Variants in PTPN21 observed in about 807,000 individuals in gnomAD.
PTPN21 encodes the protein tyrosine-protein phosphatase non-receptor type 21.
A neutral mutation model predicts 131.8 loss-of-function variants in PTPN21; 77 were observed. The observed-to-expected ratio is 0.58, with a 90% CI of 0.49 to 0.71. The LOEUF (loss-of-function observed/expected upper bound fraction) is 0.71, where lower values mean the gene tolerates loss of function less well. PTPN21 is among the 30% of genes least tolerant of loss of function. The pLI is 0.00. For synonymous variants in PTPN21, 715 were observed against 621.3 expected (o/e 1.15, Z -2.24); for missense variants, 1,552 against 1,527.1 (o/e 1.02, Z -0.27).
intron 12 of PTPN21, among the ~76,000 whole-genome samples, chr14:88,483,778 T>A (rs1273996282): frequency 1.3e-5 from 2 of 152,200 alleles, no homozygotes; most frequent in Non-Finnish European, 2.9e-5. Context: ...CCCAATGTGA[T>A]GAGTCTCTCT....
At chr14:88,472,915 G>C (rs117560925) in intron 14 of PTPN21, among the ~76,000 whole-genome samples, 6 of 152,266 alleles carry the variant, frequency 3.9e-5, no homozygotes, top group Non-Finnish European at 8.8e-5. Context: ...ACAACAACAA[G>C]AGTTAAAAGA....
chr14:88,526,591 A>T, intron 2 of PTPN21, among the ~76,000 whole-genome samples: 1 of 144,812 alleles, frequency 6.9e-6, no homozygotes, highest in Non-Finnish European at 1.5e-5. Context: ...GTTGTACATT[A>T]TGTGAATTTC....
Position 88,469,035 on chromosome 14 carries a change from T to G in PTPN21, c.3277A>C (p.Ser1093Arg). The G allele has an allele frequency of 6.2e-7, 1 of 1,614,190 alleles. No individual in the cohort carries two copies. Among genetic ancestry groups the G allele is most frequent in the Non-Finnish European group, 8.5e-7 (1 of 1,180,028 alleles). The change falls in exon 18 of 19, where the codon AGC (serine) becomes CGC (arginine). Residue 1093 changes from serine (S) to arginine (R), a missense_variant. Ser to Arg is a moderately radical substitution (Grantham distance 110). Transcript: ENST00000556564. This position sits in a 1 kb window ranked among gnomAD's most constrained non-coding sequence, Gnocchi z 4.3. ...EIQSVRRHTN[S>R]TSDPQSPNPP... ...TTGGGGCTTTGGGGATCACTTGTGC[T>G]ATTTGTATGGCGTCGAACAGACTGG...
At chr14:88,493,161 G>C in intron 10 of PTPN21, 1 of 441,584 alleles carries the variant, frequency 2.3e-6, no homozygotes, top group South Asian at 1.6e-5. Flanking sequence ...CAGGGTTACT[G>C]TAAGGATTAA....
chr14:88,535,249 G>C (rs766785516), intron 2 of PTPN21, among the ~76,000 whole-genome samples: 8 of 152,164 alleles, frequency 5.3e-5, no homozygotes, highest in Non-Finnish European at 1.5e-5. Flanking sequence ...GCTATACCAC[G>C]TAGGTTTAAG....
At chr14:88,542,792 G>A (rs1482395365) in intron 2 of PTPN21, among the ~76,000 whole-genome samples, 2 of 152,036 alleles carry the variant, frequency 1.3e-5, no homozygotes, top group Non-Finnish European at 2.9e-5. Flanking sequence ...GTTAGACTTG[G>A]GAAAGCTTTC....
At chr14:88,471,614 T>C (rs1323173379) in intron 15 of PTPN21, among the ~76,000 whole-genome samples, 2 of 152,146 alleles carry the variant, frequency 1.3e-5, no homozygotes, top group African/African-American at 4.8e-5. Flanking sequence ...AAAATGATAC[T>C]TAAAAATTAT....
intron 2 of PTPN21, among the ~76,000 whole-genome samples, chr14:88,521,677 C>A (rs1240373386): frequency 1.3e-5 from 2 of 151,350 alleles, no homozygotes; most frequent in Non-Finnish European, 2.9e-5. Flanking sequence ...TCCCAAAGTG[C>A]TGAGATTACA....
intron 8 of PTPN21, among the ~76,000 whole-genome samples, chr14:88,497,592 A>C (rs549833999): frequency 6.6e-6 from 1 of 151,504 alleles, no homozygotes; most frequent in South Asian, 2.1e-4. Context: ...ACATGGTGAA[A>C]CCCCGTCTCT....
At chr14:88,487,803 T>C (rs2077759619) in intron 10 of PTPN21, among the ~76,000 whole-genome samples, 1 of 151,974 alleles carries the variant, frequency 6.6e-6, no homozygotes, top group South Asian at 2.1e-4. Flanking sequence ...TTCCTTAAAA[T>C]TAGTGCCCAC....
intron 2 of PTPN21, among the ~76,000 whole-genome samples, chr14:88,532,259 T>A (rs961831013): frequency 9.2e-5 from 14 of 152,330 alleles, no homozygotes; most frequent in African/African-American, 3.4e-4. Flanking sequence ...TAAATCATTC[T>A]ATGAAGCCAG....
chr14:88,500,894 G>A (rs746048303), intron 7 of PTPN21, 23 bp from the exon 8 acceptor site: 11 of 1,550,558 alleles, frequency 7.1e-6, no homozygotes, highest in Non-Finnish European at 9.8e-6. Context: ...AGCAGAAGAA[G>A]AAACACCCAG....
chr14:88,495,921 T>C (rs934396883), intron 10 of PTPN21, among the ~76,000 whole-genome samples: 1 of 152,086 alleles, frequency 6.6e-6, no homozygotes, highest in African/African-American at 2.4e-5. Context: ...ACAACTCTCT[T>C]GAGGAAACCT....
chr14:88,503,564 G>A (rs183029674), intron 6 of PTPN21, among the ~76,000 whole-genome samples: 4 of 152,188 alleles, frequency 2.6e-5, no homozygotes, highest in Admixed American at 1.3e-4. Context: ...TTCACTTTCA[G>A]TACAGTATTC....
chr14:88,480,331 T>TGGTTGGGCACAAAGA lies in PTPN21; in HGVS notation c.1085_1099dup (p.Leu362_Asn366dup), dbSNP rs772259638. ...CTGAGAGTGACAGTAGTATCCGTTC[T>TGGTTGGGCACAAAGA]GGTTGGGCACAAAGAGGTTATCTAG... is the stretch of plus-strand genomic sequence containing the variant. On this transcript the variant is annotated inframe_insertion, in exon 13 of 19. Transcript: ENST00000556564. 6.2e-7 allele frequency: 1 copy of TGGTTGGGCACAAAGA among 1,612,950 alleles called. No individual in the cohort carries two copies. The highest frequency in any genetic ancestry group is 1.1e-5 in the South Asian group (1 of 91,016).
intron 5 of PTPN21, 92 bp from the exon 6 acceptor site, chr14:88,504,587 T>A: frequency 2.0e-6 from 2 of 978,078 alleles, no homozygotes; most frequent in Non-Finnish European, 3.3e-6. Flanking sequence ...CTCTCGTCAC[T>A]ATCAGGCAAA....
At chr14:88,538,326 T>C (rs191636320) in intron 2 of PTPN21, among the ~76,000 whole-genome samples, 1 of 152,332 alleles carries the variant, frequency 6.6e-6, no homozygotes, top group Admixed American at 6.5e-5. Context: ...CTAACAGTAG[T>C]GCAAGCAGAT....
At position 88,496,497 on chromosome 14, in the gene PTPN21, C is replaced by A; in HGVS notation, c.853-5G>T. ...TTTTGCTGTTTCCATGTCTTCCTAG[C>A]AAACAAAATAGGCATAAAGCAATAT... On this transcript the variant is annotated splice_polypyrimidine_tract_variant and splice_region_variant and intron_variant, in intron 9 of 18. Transcript: ENST00000556564. 6.2e-7 allele frequency: 1 copy of A among 1,610,876 alleles called. No homozygotes were observed. Among genetic ancestry groups the A allele is most frequent in the Non-Finnish European group, 8.5e-7 (1 of 1,177,260 alleles).
At chr14:88,486,997 A>G (rs2077745875) in intron 10 of PTPN21, among the ~76,000 whole-genome samples, 1 of 151,506 alleles carries the variant, frequency 6.6e-6, no homozygotes, top group Non-Finnish European at 1.5e-5. Context: ...AAAAAAAAAA[A>G]GTACCTAAAC....
Sources: gnomAD v4.1 joint callset for allele counts (sites outside exome capture counted in the v4.1 genomes callset) on GRCh38, gnomAD v4.1.1 for gene constraint, Gnocchi (gnomAD v3.1) non-coding constraint, MANE v1.5 for transcripts, NCBI Gene and HGNC (gene_info 2026-07-23, HGNC 2026-07-21) for gene names.